MOXD1: variants seen among roughly 807,000 people sequenced by gnomAD.
MOXD1 encodes DBH-like monooxygenase protein 1.
Under a neutral mutation model 66.6 loss-of-function variants are expected in MOXD1, and 62 were observed. That is an observed-to-expected ratio of 0.93 (90% confidence interval 0.76 to 1.15). MOXD1 has a LOEUF of 1.15. Among genes scored for constraint, MOXD1 ranks in the 50% most tolerant of loss-of-function variants. The pLI, the probability that MOXD1 is intolerant of heterozygous loss-of-function variation, is 0.00. For synonymous variants in MOXD1, 303 were observed against 281.9 expected (o/e 1.07, Z -0.75); for missense variants, 847 against 754.6 (o/e 1.12, Z -1.44).
chr6:132,327,349 C>G (rs554678591), intron 6 of MOXD1, among the ~76,000 whole-genome samples: 1 of 152,202 alleles, frequency 6.6e-6, no homozygotes, highest in African/African-American at 2.4e-5. Flanking sequence ...TTCACTCACT[C>G]TATATCCTCA....
chr6:132,312,724 G>A (rs1386739629), intron 10 of MOXD1, among the ~76,000 whole-genome samples: 2 of 150,760 alleles, frequency 1.3e-5, no homozygotes, highest in East Asian at 3.9e-4. Context: ...TTTCCTGAGG[G>A]AGACCAAAGG....
chr6:132,366,894 G>C (rs1776159886), intron 4 of MOXD1, among the ~76,000 whole-genome samples: 1 of 151,938 alleles, frequency 6.6e-6, no homozygotes, highest in Admixed American at 6.6e-5. Context: ...TGGCTTCAAG[G>C]ACATTCCATG....
intron 1 of MOXD1, chr6:132,392,447 C>T (rs866165210): frequency 3.2e-6 from 4 of 1,249,372 alleles, no homozygotes; most frequent in South Asian, 1.6e-5. Context: ...CAGCATTCAT[C>T]GGCTGCATTA....
At chr6:132,380,561 C>T (rs1018060953) in intron 1 of MOXD1, among the ~76,000 whole-genome samples, 4 of 152,208 alleles carry the variant, frequency 2.6e-5, no homozygotes, top group African/African-American at 9.6e-5. Flanking sequence ...AGTGATCATT[C>T]CCTCTCTGAA....
chr6:132,394,313 G>T (rs1776828642), intron 1 of MOXD1, among the ~76,000 whole-genome samples: 1 of 152,126 alleles, frequency 6.6e-6, no homozygotes, highest in South Asian at 2.1e-4. Context: ...TTCAAGAAAT[G>T]TCATCCCCTA....
At chr6:132,322,263 C>G (rs190826263) in intron 8 of MOXD1, among the ~76,000 whole-genome samples, 3 of 152,324 alleles carry the variant, frequency 2.0e-5, no homozygotes, top group African/African-American at 4.8e-5. Flanking sequence ...ATTATCCTTA[C>G]ATTCCTTTTT....
chr6:132,393,769 G>T (rs903687829), intron 1 of MOXD1, among the ~76,000 whole-genome samples: 1 of 152,194 alleles, frequency 6.6e-6, no homozygotes, highest in South Asian at 2.1e-4. Flanking sequence ...TATCCCTGGA[G>T]CCCAACTGAC....
Position 132,314,147 on chromosome 6 carries a change from A to G in MOXD1, c.1508+1488T>C, listed in dbSNP as rs149297132. Among the ~76,000 whole-genome samples the G allele has an allele frequency of 2.5e-3, 384 of 152,292 alleles. 1 individual carries two copies. Among genetic ancestry groups the G allele is most frequent in the African/African-American group, 8.4e-3 (351 of 41,580 alleles). On this transcript the variant is annotated intron_variant, in intron 10 of 11. Transcript: ENST00000367963. ...ATATATCCAAAACAGAATTCTCAATATCATCCTCAGCATGTTCCCCTAACA... is the reference window on the plus strand; with the variant it reads ...ATATATCCAAAACAGAATTCTCAATGTCATCCTCAGCATGTTCCCCTAACA...
intron 1 of MOXD1, among the ~76,000 whole-genome samples, chr6:132,387,782 G>T (rs1273910282): frequency 1.4e-5 from 2 of 147,012 alleles, no homozygotes; most frequent in African/African-American, 2.5e-5. Flanking sequence ...AAAAGAGTTT[G>T]GGTATAGGTT....
In MOXD1 at chr6:132,370,438, T is replaced by C. The variant is rs185269018; in HGVS notation, c.663+2170A>G. The stretch of plus-strand genomic sequence containing the variant: ...TTTGAATTTATTTTTTCAGTAGAGT[T>C]TTCTTTATTTTTTGAATAATATCCT... On this transcript the variant is annotated intron_variant, in intron 4 of 11. Transcript: ENST00000367963. Among the ~76,000 whole-genome samples, 5 of 152,158 alleles carry C rather than the reference T, an allele frequency of 3.3e-5. No individual in the cohort carries two copies. The East Asian group carries it at 5.8e-4, about 18-fold the overall frequency.
Position 132,328,488 on chromosome 6 carries a change from C to T in MOXD1, c.770G>A (p.Cys257Tyr). The T allele has an allele frequency of 3.7e-6, 6 of 1,614,166 alleles. No homozygotes were observed. Among genetic ancestry groups the T allele is most frequent in the Non-Finnish European group, 4.2e-6 (5 of 1,180,030 alleles). The change falls in exon 5 of 12, where the codon TGC becomes TAC. Residue 257 changes from cysteine to tyrosine, a missense_variant. By Grantham distance (194) the Cys-to-Tyr change is radical. Coordinates refer to ENST00000367963, the MANE Select transcript of MOXD1 (RefSeq NM_015529.4). The stretch of plus-strand genomic sequence containing the variant: ...TGCATCGGGCATGTTGGGGTGATAG[C>T]ACTCGTGGCCGGACTCCAGAACGCT... ...NDSVLESGHE[C>Y]YHPNMPDAFL...
rs1476873091 is a variant in MOXD1 at position 132,349,396 on chromosome 6, C to CATATATATACATATATATATATACACAT, written c.664-20803_664-20802insATGTGTATATATATATATGTATATATAT. ...ATATATACATGTATATATATATACA[C>CATATATATACATATATATATATACACAT]ATATATATACATATATATATATATA... On this transcript the variant is annotated intron_variant, in intron 4 of 11. Transcript: ENST00000367963. Among the ~76,000 whole-genome samples the CATATATATACATATATATATATACACAT allele has an allele frequency of 4.8e-5, 2 of 41,356 alleles. 1 individual carries two copies. The highest frequency in any genetic ancestry group is 9.3e-5 in the Non-Finnish European group (2 of 21,540). 27.1% of individuals were successfully genotyped at this position (41,356 alleles called of 152,430 possible).
chr6:132,398,506 T>C (rs1338750380), intron 1 of MOXD1, among the ~76,000 whole-genome samples: 1 of 152,176 alleles, frequency 6.6e-6, no homozygotes, highest in African/African-American at 2.4e-5. Flanking sequence ...GTCCAACTCT[T>C]AGTGGCTGCT....
At chr6:132,381,489 A>G (rs1776507554) in intron 1 of MOXD1, among the ~76,000 whole-genome samples, 1 of 152,150 alleles carries the variant, frequency 6.6e-6, no homozygotes, top group Non-Finnish European at 1.5e-5. Context: ...ACTTCATAGC[A>G]TTCAACTATT....
rs1472715038 is a variant in MOXD1 at position 132,384,248 on chromosome 6, T to C, written c.265-9471A>G. On this transcript the variant is annotated intron_variant, in intron 1 of 11. Transcript: ENST00000367963. ...TTCCTTCCTCCCTCCCTCTCTTCCTTCCTTCCTTCCTTCCTTCCTTCCTTC... is the reference window on the plus strand; with the variant it reads ...TTCCTTCCTCCCTCCCTCTCTTCCTCCCTTCCTTCCTTCCTTCCTTCCTTC... 3.6e-4 allele frequency among the ~76,000 whole-genome samples: 3 copies of C among 8,404 alleles called. No individual in the cohort carries two copies. The East Asian group carries it at 6.0e-3, about 17-fold the overall frequency. The allele number at this position is 8,404 out of a possible 152,430, so 5.5% of individuals were successfully genotyped here.
At chr6:132,348,239 T>C (rs1246456425) in intron 4 of MOXD1, among the ~76,000 whole-genome samples, 1 of 152,234 alleles carries the variant, frequency 6.6e-6, no homozygotes, top group Non-Finnish European at 1.5e-5. Context: ...TTTGATTGTT[T>C]GCATTTTATT....
rs538171526 is a variant in MOXD1, at chr6:132,306,670, G to A, written c.1509-8715C>T. 3.3e-5 allele frequency among the ~76,000 whole-genome samples: 5 copies of A among 152,242 alleles called. No individual in the cohort carries two copies. The South Asian group carries it at 1.0e-3, about 32-fold the overall frequency. ...CAGACTAACAGTGGACCTCTCAGCA[G>A]AAACTCTACAAGCCAGAAGAGATTG... On this transcript the variant is annotated intron_variant, in intron 10 of 11. Coordinates refer to ENST00000367963, the MANE Select transcript of MOXD1 (RefSeq NM_015529.4).
At chr6:132,334,233 A>T (rs1324672993) in intron 4 of MOXD1, among the ~76,000 whole-genome samples, 1 of 152,138 alleles carries the variant, frequency 6.6e-6, no homozygotes, top group Non-Finnish European at 1.5e-5. Flanking sequence ...CATTAAATTC[A>T]TTTGCCTCTT....
chr6:132,358,932 C>T (rs1254082561), intron 4 of MOXD1, among the ~76,000 whole-genome samples: 2 of 151,974 alleles, frequency 1.3e-5, no homozygotes, highest in East Asian at 1.9e-4. Flanking sequence ...TGAGACAAAC[C>T]TTTTCTATAA....
Sources: allele counts gnomAD v4.1 joint callset (sites outside exome capture counted in the v4.1 genomes callset), GRCh38; gene constraint gnomAD v4.1.1; transcripts MANE v1.5; gene names NCBI Gene and HGNC (gene_info 2026-07-23, HGNC 2026-07-21).